CDH4: variants seen among roughly 807,000 people sequenced by gnomAD.
CDH4 encodes the protein cadherin 4, also known as cadherin-4.
Under a neutral mutation model 86.0 loss-of-function variants are expected in CDH4, and 33 were observed. The observed-to-expected ratio is 0.38, with a 90% CI of 0.29 to 0.51. The LOEUF (loss-of-function observed/expected upper bound fraction) is 0.51, where lower values mean the gene tolerates loss of function less well. Among genes scored for constraint, CDH4 ranks in the 20% least tolerant of loss-of-function variants. The pLI is 0.86. For synonymous variants in CDH4, 555 were observed against 549.4 expected (o/e 1.01, Z -0.14); for missense variants, 1,114 against 1,307.4 (o/e 0.85, Z 2.28).
intron 2 of CDH4, among the ~76,000 whole-genome samples, chr20:61,572,632 A>G (rs1403890658): frequency 6.6e-6 from 1 of 152,242 alleles, no homozygotes; most frequent in African/African-American, 2.4e-5. Flanking sequence ...CCAGTCCTGA[A>G]CAAGGCCCCC....
At chr20:61,478,333 C>T (rs1378928953) in intron 2 of CDH4, among the ~76,000 whole-genome samples, 1 of 152,156 alleles carries the variant, frequency 6.6e-6, no homozygotes, top group Non-Finnish European at 1.5e-5. Flanking sequence ...GGTGTGTATC[C>T]TCATAACTGG....
intron 6 of CDH4, among the ~76,000 whole-genome samples, chr20:61,864,218 A>AGGGCT (rs1394667853): frequency 2.0e-5 from 3 of 152,170 alleles, no homozygotes; most frequent in Admixed American, 6.5e-5. Context: ...GGGCCAGGGC[A>AGGGCT]GGGCTGCTGG....
At chr20:61,378,599 G>C (rs2084884379) in intron 2 of CDH4, among the ~76,000 whole-genome samples, 1 of 152,088 alleles carries the variant, frequency 6.6e-6, no homozygotes, top group Non-Finnish European at 1.5e-5. Flanking sequence ...CCTGTCATTG[G>C]GTTTAGGGCC....
intron 2 of CDH4, among the ~76,000 whole-genome samples, chr20:61,600,807 T>C (rs966464272): frequency 3.9e-5 from 6 of 152,264 alleles, no homozygotes; most frequent in African/African-American, 1.4e-4. Context: ...CTGTGTCTTT[T>C]ATTATTACAT....
chr20:61,314,796 T>A (rs1338005572), intron 2 of CDH4, among the ~76,000 whole-genome samples: 1 of 152,204 alleles, frequency 6.6e-6, no homozygotes, highest in African/African-American at 2.4e-5. Flanking sequence ...AGGCTTGTTA[T>A]CCTCGTCGTT....
chr20:61,655,169 A>G (rs920595160), intron 2 of CDH4, among the ~76,000 whole-genome samples: 2 of 152,306 alleles, frequency 1.3e-5, no homozygotes, highest in African/African-American at 2.4e-5. Context: ...ATATATGTGT[A>G]TATGTCTGCT....
chr20:61,666,282 C>T (rs926493716), intron 2 of CDH4, among the ~76,000 whole-genome samples: 1 of 152,228 alleles, frequency 6.6e-6, no homozygotes, highest in Non-Finnish European at 1.5e-5. Flanking sequence ...GCCACGGTGC[C>T]TGGAGCTGGG....
At chr20:61,346,020 A>G (rs890681494) in intron 2 of CDH4, among the ~76,000 whole-genome samples, 1 of 152,232 alleles carries the variant, frequency 6.6e-6, no homozygotes, top group East Asian at 1.9e-4. Flanking sequence ...GAGGCAGAAC[A>G]CACAGGGAAG....
chr20:61,926,329 G>A (rs545574242), intron 11 of CDH4, among the ~76,000 whole-genome samples: 10 of 152,214 alleles, frequency 6.6e-5, no homozygotes, highest in Non-Finnish European at 1.2e-4. Flanking sequence ...ACGGCTGTGC[G>A]TGAAGCCTCA....
chr20:61,633,562 C>T (rs1001615573), intron 2 of CDH4, among the ~76,000 whole-genome samples: 11 of 152,232 alleles, frequency 7.2e-5, no homozygotes, highest in African/African-American at 2.7e-4. Flanking sequence ...ATCCCATCCA[C>T]CCATCACCAA....
intron 3 of CDH4, among the ~76,000 whole-genome samples, chr20:61,762,294 C>T (rs538019305): frequency 6.3e-4 from 96 of 152,324 alleles, no homozygotes; most frequent in Admixed American, 1.2e-3. Context: ...GACCACACAG[C>T]GGGACTGGCC....
intron 2 of CDH4, among the ~76,000 whole-genome samples, chr20:61,632,764 C>T (rs1304510741): frequency 6.6e-6 from 1 of 151,496 alleles, no homozygotes; most frequent in Non-Finnish European, 1.5e-5. Flanking sequence ...ATCCATCCCT[C>T]TACTCACCCA....
At position 61,518,566 on chromosome 20, in the gene CDH4, T is replaced by C. The variant is rs2085842877; in HGVS notation, c.170-224997T>C. The stretch of plus-strand genomic sequence containing the variant: ...CATTCATCCATCATCCTTCTATTTG[T>C]CATCTATCCATCCATATATCATCCA... On this transcript the variant is annotated intron_variant, in intron 2 of 15. Coordinates refer to ENST00000614565, the MANE Select transcript of CDH4 (RefSeq NM_001794.5). The surrounding 1 kb of genome is among the most constrained non-coding windows in gnomAD (Gnocchi z 6.3). 6.6e-6 allele frequency among the ~76,000 whole-genome samples: 1 copy of C among 151,854 alleles called. No homozygotes were observed. Among genetic ancestry groups the C allele is most frequent in the South Asian group, 2.1e-4 (1 of 4,782 alleles).
chr20:61,630,332 G>A lies in CDH4; in HGVS notation c.170-113231G>A, dbSNP rs572546859. ...GCTTGAAGAGTCTGCCTGGGCGCCC[G>A]CTCACACCAGCCACTGGGGCCCCAG... On this transcript the variant is annotated intron_variant, in intron 2 of 15. Coordinates refer to ENST00000614565, the MANE Select transcript of CDH4 (RefSeq NM_001794.5). Among the ~76,000 whole-genome samples the A allele has an allele frequency of 7.0e-4, 106 of 152,324 alleles. 2 individuals carry two copies. The South Asian group carries it at 0.02, about 29-fold the overall frequency.
chr20:61,924,949 G>C (rs76324953), intron 11 of CDH4, among the ~76,000 whole-genome samples: 1 of 152,252 alleles, frequency 6.6e-6, no homozygotes, highest in African/African-American at 2.4e-5. Flanking sequence ...ATCCTGCGGG[G>C]AAGGCCCAGC....
At chr20:61,492,592 T>C (rs888057371) in intron 2 of CDH4, among the ~76,000 whole-genome samples, 1 of 152,172 alleles carries the variant, frequency 6.6e-6, no homozygotes, top group Admixed American at 6.5e-5. Context: ...GTTTTCCTGA[T>C]GAAGACTCAG....
chr20:61,629,333 A>G (rs2086862276), intron 2 of CDH4, among the ~76,000 whole-genome samples: 1 of 152,188 alleles, frequency 6.6e-6, no homozygotes, highest in South Asian at 2.1e-4. Context: ...CCCTGGGAGC[A>G]GCCGGCAGGG....
At position 61,753,783 on chromosome 20, in the gene CDH4, C is replaced by T. The variant is rs113093522; in HGVS notation, c.396+9994C>T. Among the ~76,000 whole-genome samples the T allele has an allele frequency of 3.8e-3, 580 of 152,356 alleles. 1 individual carries two copies. Among genetic ancestry groups the T allele is most frequent in the African/African-American group, 0.013 (539 of 41,574 alleles). On this transcript the variant is annotated intron_variant, in intron 3 of 15. Coordinates refer to ENST00000614565, the MANE Select transcript of CDH4 (RefSeq NM_001794.5). ...ATGAACTCGGCCGAGCAATGTCCCA[C>T]GGCCAGGCGGGTCCAGGCGCTGACC...
chr20:61,414,525 G>C (rs1035425145), intron 2 of CDH4, among the ~76,000 whole-genome samples: 1 of 152,196 alleles, frequency 6.6e-6, no homozygotes, highest in African/African-American at 2.4e-5. Context: ...CCAGCTCCCG[G>C]CAAAGCTGAC....
Sources: gnomAD v4.1 joint callset for allele counts (sites outside exome capture counted in the v4.1 genomes callset) on GRCh38, gnomAD v4.1.1 for gene constraint, Gnocchi (gnomAD v3.1) non-coding constraint, MANE v1.5 for transcripts, NCBI Gene and HGNC (gene_info 2026-07-23, HGNC 2026-07-21) for gene names.